Variants in RAB44 observed in about 807,000 individuals in gnomAD.
The protein encoded by RAB44 is ras-related protein Rab-44.
In RAB44, 67 loss-of-function variants were observed where a neutral mutation model predicts 93.3. The observed-to-expected ratio is 0.72, with a 90% CI of 0.59 to 0.88. RAB44 has a LOEUF of 0.88. Ranked by LOEUF, RAB44 falls within the 40% of genes least tolerant of loss-of-function variation. RAB44 has a pLI of 0.00. For synonymous variants in RAB44, 427 were observed against 520.3 expected, an observed-to-expected ratio of 0.82 and a Z score of 2.44; for missense variants, 1,064 against 1,261.7, an observed-to-expected ratio of 0.84 and a Z score of 2.37.
chr6:36,698,729 C>A (rs982339041), intron 1 of RAB44, among the ~76,000 whole-genome samples: 2 of 151,748 alleles, frequency 1.3e-5, no homozygotes, highest in East Asian at 3.9e-4. Flanking sequence ...CCAGCTGACT[C>A]GGAGGGATGT....
At chr6:36,729,917 C>A (rs903218451) in intron 12 of RAB44, among the ~76,000 whole-genome samples, 1 of 152,142 alleles carries the variant, frequency 6.6e-6, no homozygotes, top group Non-Finnish European at 1.5e-5. Flanking sequence ...TACAATCGAA[C>A]AGGTTTATAT....
At chr6:36,712,250 C>T (rs9470379) in intron 2 of RAB44, among the ~76,000 whole-genome samples, 15,500 of 152,080 alleles carry the variant, frequency 0.1, 963 homozygotes, top group African/African-American at 0.17. Context: ...TTGCAGTGAG[C>T]CAAGATTGTG....
At position 36,704,230 on chromosome 6, in the gene RAB44, C is replaced by A. The variant is rs747086126; in HGVS notation, c.-6C>A. The A allele has an allele frequency of 6.5e-7, 1 of 1,535,524 alleles. No homozygotes were observed. Among genetic ancestry groups the A allele is most frequent in the Non-Finnish European group, 8.7e-7 (1 of 1,146,396 alleles). On this transcript the variant is annotated 5_prime_UTR_variant, in exon 2 of 14. Coordinates refer to ENST00000612677, the MANE Select transcript of RAB44 (RefSeq NM_001257357.2). ...CTCACTCCTCTGTCCCCAGGGCCAA[C>A]GCACCATGGAGACTGGACAGAGAAC...
At position 36,728,686 on chromosome 6, in the gene RAB44, T is replaced by C; in HGVS notation, c.2797-14T>C. 6.5e-7 allele frequency: 1 copy of C among 1,548,458 alleles called. No individual in the cohort carries two copies. The highest frequency in any genetic ancestry group is 8.7e-7 in the Non-Finnish European group (1 of 1,145,126). On this transcript the variant is annotated splice_polypyrimidine_tract_variant and intron_variant, in intron 11 of 13. Coordinates refer to ENST00000612677, the MANE Select transcript of RAB44 (RefSeq NM_001257357.2). Reference sequence around the variant, plus strand: ...CACAGTGGGTGTGGCTGACAGAACATGTTCTGTGTGCAGGATGCAGGGTCG... The same window carrying C: ...CACAGTGGGTGTGGCTGACAGAACACGTTCTGTGTGCAGGATGCAGGGTCG...
chr6:36,722,714 C>T lies in RAB44; in HGVS notation c.2580C>T (p.Thr860=), dbSNP rs530309374. Residue 860 remains threonine (T), a synonymous_variant, in exon 9 of 14, where the codon ACC becomes ACT. Coordinates refer to ENST00000612677, the MANE Select transcript of RAB44 (RefSeq NM_001257357.2). ...LHLLHQNSFA[T]GLTATVGVDF... ...TGCTGCACCAGAATTCTTTCGCCACCGGATTGACAGCTACCGTGGGTAAGG... is the reference window on the plus strand; with the variant it reads ...TGCTGCACCAGAATTCTTTCGCCACTGGATTGACAGCTACCGTGGGTAAGG... The T allele has an allele frequency of 2.4e-5, 37 of 1,550,604 alleles. No individual in the cohort carries two copies. The highest frequency in any genetic ancestry group is 1.1e-4 in the South Asian group (9 of 84,056).
At chr6:36,713,761 T>G in intron 2 of RAB44, 67 bp from the exon 3 acceptor site, 1 of 982,040 alleles carries the variant, frequency 1.0e-6, no homozygotes, top group Non-Finnish European at 1.6e-6. Flanking sequence ...GACAAACATC[T>G]CTCCGTTTTG....
rs1179354444 is a variant in RAB44, at chr6:36,721,309, C to T, written c.1175C>T (p.Pro392Leu). 4 of 1,229,976 alleles carry T rather than the reference C, an allele frequency of 3.3e-6. No individual in the cohort carries two copies. The East Asian group carries it at 9.5e-5, about 29-fold the overall frequency. The allele number at this position is 1,229,976 out of a possible 1,614,324, so 76.2% of individuals were successfully genotyped here. The change falls in exon 9 of 14, where the codon CCC becomes CTC. Residue 392 changes from proline to leucine, a missense_variant. Pro to Leu is a moderately conservative substitution (Grantham distance 98). Transcript: ENST00000612677. ...GCCCTGCAGCTCTGCTGGAGCCCGC[C>T]CCCGACCCCAAGAGCCACCTCAGGC... is the stretch of plus-strand genomic sequence containing the variant. ...HGALQLCWSP[P>L]PTPRATSGPQ...
chr6:36,727,741 AT>A, intron 11 of RAB44, 50 bp downstream of exon 11: 2 of 1,191,550 alleles, frequency 1.7e-6, no homozygotes, highest in Non-Finnish European at 2.4e-6. Flanking sequence ...GTCAAGAGGG[AT>A]CTTATATCCT....
intron 9 of RAB44, among the ~76,000 whole-genome samples, chr6:36,724,185 T>G (rs1385201039): frequency 6.6e-6 from 1 of 151,320 alleles, no homozygotes; most frequent in Non-Finnish European, 1.5e-5. Flanking sequence ...ATTTATTTTT[T>G]GAGATGGAGT....
chr6:36,719,893 G>A (rs1045220588), intron 7 of RAB44, among the ~76,000 whole-genome samples: 1 of 152,210 alleles, frequency 6.6e-6, no homozygotes, highest in South Asian at 2.1e-4. Flanking sequence ...ATGAGGGGAG[G>A]TGAGGAGGCT....
At chr6:36,704,941 G>A (rs1762607537) in intron 2 of RAB44, among the ~76,000 whole-genome samples, 1 of 152,040 alleles carries the variant, frequency 6.6e-6, no homozygotes, top group African/African-American at 2.4e-5. Flanking sequence ...CCAACATGGT[G>A]AAACCCCGTC....
rs984897984 is a variant in RAB44, at chr6:36,718,588, G to A, written c.828G>A (p.Glu276=). 2.4e-6 allele frequency: 3 copies of A among 1,231,434 alleles called. No homozygotes were observed. Among genetic ancestry groups the A allele is most frequent in the African/African-American group, 1.6e-5 (1 of 64,450 alleles). 76.3% of individuals were successfully genotyped at this position (1,231,434 alleles called of 1,614,324 possible). A position where few individuals can be genotyped will look rare whatever the true frequency, so the allele number is the denominator to read the frequency against. ...EVQRLAEGQR[E]LEAQLSHLRS... is the part of the protein sequence containing the mutation. ...AGCGACTAGCTGAGGGCCAGAGGGAGGTGAGTAATAGGGTTTCCCAGAAAC... is the reference window on the plus strand; with the variant it reads ...AGCGACTAGCTGAGGGCCAGAGGGAAGTGAGTAATAGGGTTTCCCAGAAAC... Residue 276 remains glutamate, a splice_region_variant and synonymous_variant, in exon 7 of 14, where the codon GAG becomes GAA. Transcript: ENST00000612677.
intron 1 of RAB44, among the ~76,000 whole-genome samples, chr6:36,701,990 G>T (rs2150322827): frequency 6.6e-6 from 1 of 152,252 alleles, no homozygotes; most frequent in African/African-American, 2.4e-5. Flanking sequence ...CCGGCATTCA[G>T]TTGGCGCTCG....
chr6:36,718,168 T>C, intron 6 of RAB44, 50 bp downstream of exon 6: 1 of 1,180,198 alleles, frequency 8.5e-7, no homozygotes, highest in African/African-American at 1.6e-5. Context: ...GGGACACCTC[T>C]GCTGGCTAAG....
Position 36,721,533 on chromosome 6 carries a change from G to A in RAB44, c.1399G>A (p.Asp467Asn), listed in dbSNP as rs1763080156. 1 of 1,234,406 alleles carries A rather than the reference G, an allele frequency of 8.1e-7. No homozygotes were observed. 76.5% of individuals were successfully genotyped at this position (1,234,406 alleles called of 1,614,324 possible). Residue 467 changes from aspartate (D) to asparagine (N), a missense_variant, in exon 9 of 14, where the codon GAC (aspartate) becomes AAC (asparagine). By Grantham distance (23) the Asp-to-Asn change is conservative. Coordinates refer to ENST00000612677, the MANE Select transcript of RAB44 (RefSeq NM_001257357.2). ...GCAGCCTGTTGAACCGCACGACCCG[G>A]ACCCCAACCAGGAGCCAGGGTCCAC... Reference protein sequence around the residue: ...AEQPVEPHDPDPNQEPGSTPE... With the variant: ...AEQPVEPHDPNPNQEPGSTPE...
At chr6:36,714,613 A>G (rs560004868) in intron 3 of RAB44, among the ~76,000 whole-genome samples, 3 of 152,250 alleles carry the variant, frequency 2.0e-5, no homozygotes, top group South Asian at 2.1e-4. Context: ...AGGCTGCTCC[A>G]GTTCTGGCAA....
intron 4 of RAB44, among the ~76,000 whole-genome samples, chr6:36,715,919 T>G (rs236492): frequency 6.6e-6 from 1 of 152,064 alleles, no homozygotes. Context: ...TTCCCACCCC[T>G]GCACCTCCCG....
At position 36,722,854 on chromosome 6, in the gene RAB44, G is replaced by A. The variant is rs1254262927; in HGVS notation, c.2599+121G>A. On this transcript the variant is annotated intron_variant, in intron 9 of 13. Transcript: ENST00000612677. ...AGCTGCAGGTTCTGCCCTGGCCACG[G>A]GCCCTGCATTAGACATTGTTTTATA... 6 of 1,136,330 alleles carry A rather than the reference G, an allele frequency of 5.3e-6. No homozygotes were observed. In the Admixed American group the frequency reaches 1.3e-4, roughly 24 times the overall value. The allele number at this position is 1,136,330 out of a possible 1,614,324, so 70.4% of individuals were successfully genotyped here. A position where few individuals can be genotyped will look rare whatever the true frequency, so the allele number is the denominator to read the frequency against.
intron 7 of RAB44, among the ~76,000 whole-genome samples, chr6:36,719,613 A>G (rs1763017333): frequency 6.6e-6 from 1 of 152,234 alleles, no homozygotes; most frequent in African/African-American, 2.4e-5. Flanking sequence ...AGAATAAAGT[A>G]AAACAGGGAA....
Sources: allele counts gnomAD v4.1 joint callset (sites outside exome capture counted in the v4.1 genomes callset), GRCh38; gene constraint gnomAD v4.1.1; transcripts MANE v1.5; gene names NCBI Gene and HGNC (gene_info 2026-07-23, HGNC 2026-07-21).